LRRFIP2: variants seen among roughly 807,000 people sequenced by gnomAD.
LRRFIP2 encodes leucine-rich repeat flightless-interacting protein 2.
LRRFIP2 carries 109 observed loss-of-function variants against 125.9 expected under a neutral mutation model. The ratio of observed to expected loss-of-function variants is 0.87; its 90% CI spans 0.74 to 1.01. The LOEUF (loss-of-function observed/expected upper bound fraction) is 1.01, where lower values mean the gene tolerates loss of function less well. Among genes scored for constraint, LRRFIP2 ranks in the 50% least tolerant of loss-of-function variants. The pLI, the probability that LRRFIP2 is intolerant of heterozygous loss-of-function variation, is 0.00. For synonymous variants in LRRFIP2, 291 were observed against 293.1 expected (o/e 0.99, Z 0.07); for missense variants, 850 against 862.3 (o/e 0.99, Z 0.18).
chr3:37,117,931 G>A (rs1210293753), intron 6 of LRRFIP2, among the ~76,000 whole-genome samples: 1 of 152,028 alleles, frequency 6.6e-6, no homozygotes, highest in East Asian at 1.9e-4. Context: ...CAGTGTAATA[G>A]TAAATAATAA....
At position 37,065,843 on chromosome 3, in the gene LRRFIP2, G is replaced by C; in HGVS notation, c.1666C>G (p.Gln556Glu). 6.8e-6 allele frequency: 11 copies of C among 1,614,156 alleles called. No individual in the cohort carries two copies. Among genetic ancestry groups the C allele is most frequent in the Non-Finnish European group, 9.3e-6 (11 of 1,180,016 alleles). Residue 556 changes from glutamine to glutamate, a missense_variant, in exon 23 of 28, where the codon CAG becomes GAG. Coordinates refer to ENST00000336686, the MANE Select transcript of LRRFIP2 (RefSeq NM_006309.4). ...AITVVSQEAA[Q>E]VLESAGEGPL... ...CCTTCTCCTGCTGACTCCAAGACCT[G>C]AGCAGCTTCCTGAGACACAACAGTG...
intron 23 of LRRFIP2, chr3:37,065,568 C>CA (rs1482979314): frequency 1.5e-6 from 1 of 652,474 alleles, no homozygotes; most frequent in Non-Finnish European, 2.8e-6. Context: ...TGTATAGGCC[C>CA]ATAGTACTTC....
intron 2 of LRRFIP2, among the ~76,000 whole-genome samples, chr3:37,146,529 T>C (rs187934466): frequency 2.0e-5 from 3 of 152,330 alleles, no homozygotes; most frequent in African/African-American, 7.2e-5. Flanking sequence ...TGTGTTCTCA[T>C]TGTTCAGCTC....
At chr3:37,111,398 G>C (rs1244578063) in intron 8 of LRRFIP2, among the ~76,000 whole-genome samples, 1 of 152,132 alleles carries the variant, frequency 6.6e-6, no homozygotes, top group East Asian at 1.9e-4. Flanking sequence ...CAATCCATCT[G>C]GCAAAGCCAC....
rs537137012 is a variant in LRRFIP2 at position 37,067,548 on chromosome 3, G to A, written c.1465-1223C>T. On this transcript the variant is annotated intron_variant, in intron 21 of 27. Transcript: ENST00000336686. Reference sequence around the variant, plus strand: ...TCACTGGGTTTGGAAGTGGGACAGCGAATTGCTGAGAAATTGATAGCTGAA... The same window carrying A: ...TCACTGGGTTTGGAAGTGGGACAGCAAATTGCTGAGAAATTGATAGCTGAA... 5 of 152,302 alleles carry A rather than the reference G, an allele frequency of 3.3e-5. No homozygotes were observed. The South Asian group carries it at 8.3e-4, about 25-fold the overall frequency. The allele number at this position is 152,302 out of a possible 1,614,324, so 9.4% of individuals were successfully genotyped here.
At position 37,109,681 on chromosome 3, in the gene LRRFIP2, T is replaced by A. The variant is rs1472814007; in HGVS notation, c.536A>T (p.Asp179Val). The A allele has an allele frequency of 6.2e-7, 1 of 1,613,998 alleles. No homozygotes were observed. Among genetic ancestry groups the A allele is most frequent in the Non-Finnish European group, 8.5e-7 (1 of 1,179,940 alleles). ...GTCACTCTTATATGTTGCCAGAGGG[T>A]CACTGTACAGGGAAGAAGACTGCTA... ...YTRQSSSLYSDPLATYKSDRA... is the reference protein window; with the variant it reads ...YTRQSSSLYSVPLATYKSDRA... Residue 179 changes from aspartate (D) to valine (V), a missense_variant, in exon 10 of 28, where the codon GAC (aspartate) becomes GTC (valine). Asp to Val is a radical substitution (Grantham distance 152, BLOSUM62 -3). Transcript: ENST00000336686.
At chr3:37,058,681 A>T (rs1429321607) in intron 25 of LRRFIP2, 109 bp downstream of exon 25, 2 of 1,226,906 alleles carry the variant, frequency 1.6e-6, no homozygotes, top group African/African-American at 3.0e-5. Context: ...ATCTCAAAAA[A>T]AAAAAAAAAA....
chr3:37,159,048 T>G (rs973282608), intron 1 of LRRFIP2, among the ~76,000 whole-genome samples: 2 of 152,220 alleles, frequency 1.3e-5, no homozygotes, highest in Non-Finnish European at 2.9e-5. Flanking sequence ...TTTGATGTCA[T>G]ATCCAAGAAA....
intron 18 of LRRFIP2, among the ~76,000 whole-genome samples, 160 bp downstream of exon 18, chr3:37,091,307 G>A (rs547398532): frequency 1.3e-5 from 2 of 152,296 alleles, no homozygotes; most frequent in East Asian, 3.9e-4. Flanking sequence ...AGCAGAGATT[G>A]AAAGTTCACC....
intron 24 of LRRFIP2, among the ~76,000 whole-genome samples, chr3:37,062,417 T>C (rs1308236974): frequency 6.6e-6 from 1 of 151,804 alleles, no homozygotes; most frequent in African/African-American, 2.4e-5. Flanking sequence ...GGGAAAAAAA[T>C]CAGTAACAAA....
intron 24 of LRRFIP2, among the ~76,000 whole-genome samples, chr3:37,061,381 C>T (rs1003593222): frequency 1.6e-5 from 2 of 127,812 alleles, no homozygotes; most frequent in African/African-American, 5.5e-5. Context: ...CAGTTTAAAC[C>T]TCTTTTCTTT....
chr3:37,158,753 A>G (rs772939595), intron 1 of LRRFIP2, among the ~76,000 whole-genome samples: 3 of 152,150 alleles, frequency 2.0e-5, no homozygotes, highest in African/African-American at 7.2e-5. Flanking sequence ...ACAAGGATAT[A>G]ATTTTTCAAT....
At chr3:37,055,021 G>T in intron 26 of LRRFIP2, 65 bp downstream of exon 26, 1 of 1,045,866 alleles carries the variant, frequency 9.6e-7, no homozygotes. Context: ...GGCACTCATG[G>T]GTTGTTAGCC....
intron 23 of LRRFIP2, 79 bp from the exon 24 acceptor site, chr3:37,063,870 A>C (rs2089454890): frequency 2.1e-6 from 2 of 953,612 alleles, no homozygotes; most frequent in Non-Finnish European, 3.4e-6. Flanking sequence ...TCAAACTCAT[A>C]AACAGCTAAT....
At chr3:37,175,607 C>T (rs575645513), upstream of LRRFIP2, among the ~76,000 whole-genome samples, 5 of 152,164 alleles carry the variant, frequency 3.3e-5, no homozygotes, top group Non-Finnish European at 7.3e-5. Flanking sequence ...GCCTGTTAAA[C>T]CCGCGCGATC....
chr3:37,109,585 G>A lies in LRRFIP2; in HGVS notation c.565-14C>T, dbSNP rs1050868422. 1.9e-6 allele frequency: 3 copies of A among 1,613,674 alleles called. No individual in the cohort carries two copies. The highest frequency in any genetic ancestry group is 2.7e-5 in the African/African-American group (2 of 74,898). On this transcript the variant is annotated splice_polypyrimidine_tract_variant and intron_variant, in intron 10 of 27. Transcript: ENST00000336686. ...AGTAGGAGAGGCCTAAGAAAAAAGTGTATTATTAAACCCCAAAAAAAGCAA... is the reference window on the plus strand; with the variant it reads ...AGTAGGAGAGGCCTAAGAAAAAAGTATATTATTAAACCCCAAAAAAAGCAA...
At chr3:37,090,796 G>A (rs1576402784) in intron 18 of LRRFIP2, among the ~76,000 whole-genome samples, 6 of 152,016 alleles carry the variant, frequency 3.9e-5, no homozygotes, top group Admixed American at 3.9e-4. Flanking sequence ...TTGACCTATA[G>A]GTTAAAAAAA....
chr3:37,053,826 T>C lies in LRRFIP2; in HGVS notation c.*25A>G. The C allele has an allele frequency of 1.3e-6, 2 of 1,484,806 alleles. No homozygotes were observed. Among genetic ancestry groups the C allele is most frequent in the East Asian group, 4.5e-5 (2 of 44,334 alleles). The allele number at this position is 1,484,806 out of a possible 1,614,324, so 92.0% of individuals were successfully genotyped here. On this transcript the variant is annotated 3_prime_UTR_variant, in exon 28 of 28. Coordinates refer to ENST00000336686, the MANE Select transcript of LRRFIP2 (RefSeq NM_006309.4). ...CCTCTAGGTAGGGCCCCAAGGAGCA[T>C]CACCCAGGTTGAAGGGTGGTTTTCC...
rs2090051430 is a variant in LRRFIP2, at chr3:37,065,956, A to G, written c.1567-14T>C. ...TAAGCCATGTTTCTGCAGGGGGGAA[A>G]AACCCACCATCACAAAAGGCCCGTA... On this transcript the variant is annotated splice_polypyrimidine_tract_variant and intron_variant, in intron 22 of 27. Transcript: ENST00000336686. 1 of 1,614,076 alleles carries G rather than the reference A, an allele frequency of 6.2e-7. No homozygotes were observed. The highest frequency in any genetic ancestry group is 8.5e-7 in the Non-Finnish European group (1 of 1,179,962).
Sources: gnomAD v4.1 joint callset for allele counts (sites outside exome capture counted in the v4.1 genomes callset) on GRCh38, gnomAD v4.1.1 for gene constraint, MANE v1.5 for transcripts, NCBI Gene and HGNC (gene_info 2026-07-23, HGNC 2026-07-21) for gene names.